Variants in CPSF3 observed in about 807,000 individuals in gnomAD.
The protein encoded by CPSF3 is cleavage and polyadenylation specificity factor subunit 3.
CPSF3 carries 57 observed loss-of-function variants against 84.1 expected under a neutral mutation model. The observed-to-expected ratio is 0.68, with a 90% CI of 0.55 to 0.85. The LOEUF (loss-of-function observed/expected upper bound fraction) is 0.85. Ranked by LOEUF, CPSF3 falls within the 40% of genes least tolerant of loss-of-function variation. The pLI is 0.00. For missense variants in CPSF3, 522 were observed against 838.8 expected (o/e 0.62, Z 4.66); for synonymous variants, 275 against 278.1 (o/e 0.99, Z 0.11).
At chr2:9,433,378 A>T (rs1029725684) in intron 5 of CPSF3, among the ~76,000 whole-genome samples, 2 of 152,236 alleles carry the variant, frequency 1.3e-5, no homozygotes, top group African/African-American at 4.8e-5. Flanking sequence ...CTGCTTATAC[A>T]TTTGGAACTT....
At position 9,450,145 on chromosome 2, in the gene CPSF3, A is replaced by AT. The variant is rs201445315; in HGVS notation, c.1395+1795_1395+1796insT. ...CCCAAGTAGCTAGGACTACAGGCAC[A>AT]AATTTTTTTTTTTTTTTTTTTTTTT... On this transcript the variant is annotated intron_variant, in intron 11 of 17. Transcript: ENST00000238112. Among the ~76,000 whole-genome samples, 389 of 138,814 alleles carry AT rather than the reference A, an allele frequency of 2.8e-3. 6 individuals are homozygous for AT. Among genetic ancestry groups the AT allele is most frequent in the African/African-American group, 4.1e-3 (154 of 38,022 alleles). The allele number at this position is 138,814 out of a possible 152,430, so 91.1% of individuals were successfully genotyped here.
chr2:9,459,699 G>T (rs1572801391), intron 15 of CPSF3, 81 bp downstream of exon 15: 1 of 645,852 alleles, frequency 1.5e-6, no homozygotes, highest in East Asian at 3.0e-5. Context: ...ATCCAGGCTG[G>T]AGTGCAGTGG....
At chr2:9,436,433 G>A in intron 7 of CPSF3, 72 bp downstream of exon 7, 1 of 1,466,126 alleles carries the variant, frequency 6.8e-7, no homozygotes, top group Non-Finnish European at 9.2e-7. Context: ...ATGTGGTCTT[G>A]GATGAGTCAT....
intron 10 of CPSF3, among the ~76,000 whole-genome samples, chr2:9,447,012 A>G (rs1681148474): frequency 6.6e-6 from 1 of 151,906 alleles, no homozygotes. Flanking sequence ...ATGGTGGCTC[A>G]TGCCTGTAGT....
At chr2:9,466,485 T>C (rs1160201819) in intron 15 of CPSF3, among the ~76,000 whole-genome samples, 1 of 152,162 alleles carries the variant, frequency 6.6e-6, no homozygotes, top group African/African-American at 2.4e-5. Flanking sequence ...TAGTCCCAGC[T>C]ACCTGGGAGG....
At chr2:9,466,953 A>G (rs2124872148) in intron 15 of CPSF3, among the ~76,000 whole-genome samples, 1 of 152,322 alleles carries the variant, frequency 6.6e-6, no homozygotes, top group Non-Finnish European at 1.5e-5. Context: ...TTTTATGAAT[A>G]GTGCTACCGT....
chr2:9,452,021 T>A (rs564274799), intron 11 of CPSF3, among the ~76,000 whole-genome samples: 1 of 152,100 alleles, frequency 6.6e-6, no homozygotes, highest in African/African-American at 2.4e-5. Context: ...CGGCCATAAA[T>A]GAAACTTTTT....
At chr2:9,432,819 A>C in intron 5 of CPSF3, 131 bp downstream of exon 5, 1 of 622,838 alleles carries the variant, frequency 1.6e-6, no homozygotes, top group Non-Finnish European at 2.4e-6. Context: ...AGATAAAAAT[A>C]CAGTTAACGC....
Position 9,424,196 on chromosome 2 carries a change from A to G in CPSF3, c.50+373A>G, listed in dbSNP as rs1350649313. 4 of 1,024,502 alleles carry G rather than the reference A, an allele frequency of 3.9e-6. No individual in the cohort carries two copies. In the African/African-American group the frequency reaches 5.1e-5, roughly 13 times the overall value. 63.5% of individuals were successfully genotyped at this position (1,024,502 alleles called of 1,614,324 possible). On this transcript the variant is annotated intron_variant, in intron 1 of 17. Coordinates refer to ENST00000238112, the MANE Select transcript of CPSF3 (RefSeq NM_016207.4). ...GGAGCCGGTGAAGCTTATGACCGACAGGATGAGAGGAGGACCTGAATGAGG... is the reference window on the plus strand; with the variant it reads ...GGAGCCGGTGAAGCTTATGACCGACGGGATGAGAGGAGGACCTGAATGAGG...
At position 9,423,743 on chromosome 2, in the gene CPSF3, C is replaced by G. The variant is rs377129954; in HGVS notation, c.-31C>G. On this transcript the variant is annotated 5_prime_UTR_variant, in exon 1 of 18. Coordinates refer to ENST00000238112, the MANE Select transcript of CPSF3 (RefSeq NM_016207.4). ...TTAGGAAGACCCCGGCGACCTGTTC[C>G]TCACCCCCGCTTCGCCCTCACACTT... The G allele has an allele frequency of 6.9e-5, 112 of 1,611,552 alleles. No homozygotes were observed. Among genetic ancestry groups the G allele is most frequent in the Non-Finnish European group, 9.4e-5 (111 of 1,179,032 alleles).
intron 15 of CPSF3, among the ~76,000 whole-genome samples, chr2:9,462,776 T>C (rs955168115): frequency 2.0e-4 from 31 of 152,378 alleles, no homozygotes; most frequent in African/African-American, 7.5e-4. Context: ...CTTATGCTAA[T>C]AATAAAAACA....
intron 9 of CPSF3, 79 bp from the exon 10 acceptor site, chr2:9,443,436 C>A: frequency 7.1e-7 from 1 of 1,418,366 alleles, no homozygotes; most frequent in Non-Finnish European, 9.6e-7. Flanking sequence ...GAATTTATGA[C>A]TGCATGAAAA....
rs893527563 is a variant in CPSF3 at position 9,466,374 on chromosome 2, A to C, written c.1787-1333A>C. On this transcript the variant is annotated intron_variant, in intron 15 of 17. Coordinates refer to ENST00000238112, the MANE Select transcript of CPSF3 (RefSeq NM_016207.4). ...CGCGCACACACACACGCACACACCCACGCACTCGCACACACGCGCACACAC... is the reference window on the plus strand; with the variant it reads ...CGCGCACACACACACGCACACACCCCCGCACTCGCACACACGCGCACACAC... Among the ~76,000 whole-genome samples, 10 of 133,918 alleles carry C rather than the reference A, an allele frequency of 7.5e-5. No individual in the cohort carries two copies. The East Asian group carries it at 2.0e-3, about 27-fold the overall frequency. The allele number at this position is 133,918 out of a possible 152,430, so 87.9% of individuals were successfully genotyped here. A position where few individuals can be genotyped will look rare whatever the true frequency, so the allele number is the denominator to read the frequency against.
At chr2:9,451,293 A>G (rs1681320347) in intron 11 of CPSF3, among the ~76,000 whole-genome samples, 1 of 152,206 alleles carries the variant, frequency 6.6e-6, no homozygotes, top group Admixed American at 6.5e-5. Context: ...TTAAGGAGAA[A>G]ATAACCCTAG....
At chr2:9,469,350 G>A (rs1479550510) in intron 16 of CPSF3, among the ~76,000 whole-genome samples, 3 of 152,096 alleles carry the variant, frequency 2.0e-5, no homozygotes, top group Non-Finnish European at 2.9e-5. Context: ...TGGGACCCCC[G>A]GTTAAACAGC....
intron 4 of CPSF3, among the ~76,000 whole-genome samples, chr2:9,431,548 T>A (rs572848185): frequency 2.0e-5 from 2 of 102,208 alleles, no homozygotes; most frequent in South Asian, 5.4e-4. Context: ...TTCTTTTTTT[T>A]TTTCTTTTTT....
chr2:9,437,804 C>T (rs1299867982), intron 7 of CPSF3, among the ~76,000 whole-genome samples: 2 of 152,190 alleles, frequency 1.3e-5, no homozygotes, highest in Non-Finnish European at 2.9e-5. Context: ...AATTTAAGAT[C>T]AGCCTGGGCA....
In CPSF3 at chr2:9,428,904, GT is replaced by G. The variant is rs1257762418; in HGVS notation, c.114+78del. ...GGTGTTAGTCTTTTCTCATAGACTA[GT>G]TATCTTTTTAGCTCCCAGAAAAATG... On this transcript the variant is annotated intron_variant, in intron 2 of 17. Coordinates refer to ENST00000238112, the MANE Select transcript of CPSF3 (RefSeq NM_016207.4). The G allele has an allele frequency of 4.6e-6, 4 of 875,396 alleles. No homozygotes were observed. In the East Asian group the frequency reaches 9.8e-5, roughly 21 times the overall value. The allele number at this position is 875,396 out of a possible 1,614,324, so 54.2% of individuals were successfully genotyped here.
chr2:9,450,681 G>A (rs554597506), intron 11 of CPSF3, among the ~76,000 whole-genome samples: 117 of 152,148 alleles, frequency 7.7e-4, no homozygotes, highest in Admixed American at 2.4e-3. Flanking sequence ...CCAGCCACTC[G>A]GGAGGCTGAG....
Sources: allele counts gnomAD v4.1 joint callset (sites outside exome capture counted in the v4.1 genomes callset), GRCh38; gene constraint gnomAD v4.1.1; transcripts MANE v1.5; gene names NCBI Gene and HGNC (gene_info 2026-07-23, HGNC 2026-07-21).